The following TRAPPC9 variants were observed in gnomAD, a reference collection of about 807,000 sequenced individuals.
TRAPPC9 encodes the protein IKK2 binding protein.
Under a neutral mutation model 124.0 loss-of-function variants are expected in TRAPPC9, and 83 were observed. The observed-to-expected ratio is 0.67, with a 90% CI of 0.56 to 0.80. The LOEUF (loss-of-function observed/expected upper bound fraction) is 0.80. Ranked by LOEUF, TRAPPC9 falls within the 30% of genes least tolerant of loss-of-function variation. TRAPPC9 has a pLI of 0.00. For synonymous variants in TRAPPC9, 638 were observed against 617.5 expected, an observed-to-expected ratio of 1.03 and a Z score of -0.49; for missense variants, 1,302 against 1,508.3, an observed-to-expected ratio of 0.86 and a Z score of 2.27.
In TRAPPC9 at chr8:140,353,780, G is replaced by A. The variant is rs970919996; in HGVS notation, c.1495+6270C>T. ...TAGCATAGTAGAAGGTGGGTTTAAAGAGACAGAAGACATCATTCATTCAGC... is the reference window on the plus strand; with the variant it reads ...TAGCATAGTAGAAGGTGGGTTTAAAAAGACAGAAGACATCATTCATTCAGC... On this transcript the variant is annotated intron_variant, in intron 9 of 22. Coordinates refer to ENST00000438773, the MANE Select transcript of TRAPPC9 (RefSeq NM_001160372.4). The surrounding 1 kb of genome is among the most constrained non-coding windows in gnomAD (Gnocchi z 4.2). Among the ~76,000 whole-genome samples the A allele has an allele frequency of 1.3e-5, 2 of 152,242 alleles. No individual in the cohort carries two copies. The highest frequency in any genetic ancestry group is 2.9e-5 in the Non-Finnish European group (2 of 68,050).
intron 9 of TRAPPC9, among the ~76,000 whole-genome samples, chr8:140,336,078 T>C (rs2132030304): frequency 6.6e-6 from 1 of 152,296 alleles, no homozygotes; most frequent in East Asian, 1.9e-4. Context: ...ACCTTTTTTT[T>C]TCACAACTCA....
intron 11 of TRAPPC9, chr8:140,291,311 T>G (rs750625172): frequency 3.9e-5 from 23 of 588,268 alleles, no homozygotes; most frequent in Non-Finnish European, 4.6e-5. Flanking sequence ...GTCACTGCCT[T>G]CGGCGGGCTG....
intron 19 of TRAPPC9, among the ~76,000 whole-genome samples, chr8:139,950,207 C>T (rs754084716): frequency 2.0e-5 from 3 of 152,222 alleles, no homozygotes; most frequent in Admixed American, 1.3e-4. Context: ...GCTTAGTCCT[C>T]GTCTATGGAA....
chr8:140,060,613 C>G (rs1210028016), intron 17 of TRAPPC9, among the ~76,000 whole-genome samples: 4 of 121,970 alleles, frequency 3.3e-5, no homozygotes, highest in Non-Finnish European at 4.9e-5. Flanking sequence ...CCTACCTGTT[C>G]CTACCCATCC....
At chr8:140,092,590 C>T (rs527588398) in intron 17 of TRAPPC9, among the ~76,000 whole-genome samples, 1 of 152,302 alleles carries the variant, frequency 6.6e-6, no homozygotes, top group Non-Finnish European at 1.5e-5. Flanking sequence ...GGGCACACAG[C>T]TAATGAGTCC....
chr8:140,254,370 C>T (rs547468185), intron 15 of TRAPPC9, among the ~76,000 whole-genome samples: 7 of 152,354 alleles, frequency 4.6e-5, no homozygotes, highest in South Asian at 2.1e-4. Flanking sequence ...CCCCAAAGCC[C>T]GCCTCCCCCA....
intron 21 of TRAPPC9, among the ~76,000 whole-genome samples, chr8:139,841,176 G>T (rs1359976201): frequency 6.6e-6 from 1 of 152,080 alleles, no homozygotes; most frequent in Non-Finnish European, 1.5e-5. Flanking sequence ...TCCTTCTTGT[G>T]GTCCTTCTCA....
intron 11 of TRAPPC9, among the ~76,000 whole-genome samples, chr8:140,295,266 C>T (rs1055016941): frequency 3.3e-5 from 5 of 152,224 alleles, no homozygotes; most frequent in Non-Finnish European, 5.9e-5. Flanking sequence ...TGAATGGCTG[C>T]CAGGGACTTT....
intron 5 of TRAPPC9, 105 bp from the exon 6 acceptor site, chr8:140,405,803 A>C: frequency 7.8e-7 from 1 of 1,289,892 alleles, no homozygotes; most frequent in Admixed American, 1.9e-5. Context: ...GCCCTACTGA[A>C]ATTTAAATAA....
intron 17 of TRAPPC9, among the ~76,000 whole-genome samples, chr8:140,189,139 G>C (rs1357165153): frequency 6.6e-6 from 1 of 152,162 alleles, no homozygotes; most frequent in Non-Finnish European, 1.5e-5. Context: ...CTGCAAAATT[G>C]AATCATTTCT....
chr8:139,765,281 A>C (rs1451994837), intron 21 of TRAPPC9, among the ~76,000 whole-genome samples: 1 of 152,234 alleles, frequency 6.6e-6, no homozygotes, highest in East Asian at 1.9e-4. Context: ...AGGAAAAGCC[A>C]GGCTGAGGTC....
At chr8:139,973,399 A>G (rs1441087252) in intron 19 of TRAPPC9, among the ~76,000 whole-genome samples, 1 of 152,108 alleles carries the variant, frequency 6.6e-6, no homozygotes, top group African/African-American at 2.4e-5. Flanking sequence ...CCAGTCCTGG[A>G]TGAAAACCAC....
Position 139,998,137 on chromosome 8 carries a change from A to C in TRAPPC9, c.2700-9301T>G, listed in dbSNP as rs1016046809. Among the ~76,000 whole-genome samples, 6 of 152,390 alleles carry C rather than the reference A, an allele frequency of 3.9e-5. No homozygotes were observed. The South Asian group carries it at 6.2e-4, about 16-fold the overall frequency. ...GTCTGAAGAATCCTCATAAAAAACC[A>C]CGGAGGGCAGAGAAAGTGAATCATT... On this transcript the variant is annotated intron_variant, in intron 18 of 22. Coordinates refer to ENST00000438773, the MANE Select transcript of TRAPPC9 (RefSeq NM_001160372.4).
intron 17 of TRAPPC9, among the ~76,000 whole-genome samples, chr8:140,128,156 T>C (rs1398538780): frequency 2.0e-5 from 3 of 152,276 alleles, no homozygotes; most frequent in African/African-American, 7.2e-5. Flanking sequence ...CAAATGTTTA[T>C]CTTACTTTCC....
At chr8:139,983,465 C>T (rs962565600) in intron 19 of TRAPPC9, among the ~76,000 whole-genome samples, 7 of 151,908 alleles carry the variant, frequency 4.6e-5, no homozygotes. Flanking sequence ...ATTCTCCTCA[C>T]ACTGTATAAC....
intron 20 of TRAPPC9, among the ~76,000 whole-genome samples, chr8:139,899,955 C>T (rs933265824): frequency 3.9e-5 from 6 of 152,136 alleles, no homozygotes; most frequent in South Asian, 4.1e-4. Context: ...CCCCACAGAA[C>T]CAAATGTGTT....
chr8:140,405,509 A>G (rs2069457441), intron 6 of TRAPPC9, 68 bp downstream of exon 6: 5 of 1,549,106 alleles, frequency 3.2e-6, no homozygotes, highest in South Asian at 2.2e-5. Context: ...GCATTACACA[A>G]TGTAAAATGG....
At position 140,253,025 on chromosome 8, in the gene TRAPPC9, C is replaced by G. The variant is rs970496040; in HGVS notation, c.2279-96G>C. The G allele has an allele frequency of 2.4e-5, 30 of 1,257,060 alleles. 1 individual carries two copies. The African/African-American group carries it at 3.9e-4, about 16-fold the overall frequency. The allele number at this position is 1,257,060 out of a possible 1,614,324, so 77.9% of individuals were successfully genotyped here. On this transcript the variant is annotated intron_variant, in intron 15 of 22. Coordinates refer to ENST00000438773, the MANE Select transcript of TRAPPC9 (RefSeq NM_001160372.4). ...AAAATTCTGATGCATTCTCAAAAGC[C>G]AAGGAAAAAGAAGAGCTTTTAAAAT...
intron 9 of TRAPPC9, among the ~76,000 whole-genome samples, chr8:140,359,512 G>A (rs910307060): frequency 1.3e-5 from 2 of 152,164 alleles, no homozygotes; most frequent in Non-Finnish European, 2.9e-5. Flanking sequence ...GGCCCCATGA[G>A]AGCCAACACA....
Sources: gnomAD v4.1 joint callset for allele counts (sites outside exome capture counted in the v4.1 genomes callset) on GRCh38, gnomAD v4.1.1 for gene constraint, Gnocchi (gnomAD v3.1) non-coding constraint, MANE v1.5 for transcripts, NCBI Gene and HGNC (gene_info 2026-07-23, HGNC 2026-07-21) for gene names.